Variants in DCX observed in about 807,000 individuals in gnomAD.
DCX encodes neuronal migration protein doublecortin.
In DCX, 4 loss-of-function variants were observed where a neutral mutation model predicts 20.9. The observed-to-expected ratio is 0.19, with a 90% CI of 0.09 to 0.44. The LOEUF (loss-of-function observed/expected upper bound fraction) is 0.44. DCX is among the 20% of genes least tolerant of loss of function. The pLI is 0.99. For missense variants in DCX, 133 were observed against 296.9 expected, an observed-to-expected ratio of 0.45 and a Z score of 4.06; for synonymous variants, 103 against 111.4, an observed-to-expected ratio of 0.92 and a Z score of 0.47.
At chrX:111,361,514 A>G (rs182100480) in intron 3 of DCX, among the ~76,000 whole-genome samples, 179 of 112,033 alleles carry the variant, frequency 1.6e-3, no homozygotes, top group Non-Finnish European at 1.2e-3. Flanking sequence ...AAACAGTTTG[A>G]TTTTTGGTTT....
intron 3 of DCX, among the ~76,000 whole-genome samples, chrX:111,377,922 G>T (rs1213013903): frequency 9.0e-6 from 1 of 110,889 alleles, no homozygotes; most frequent in Non-Finnish European, 1.9e-5. Context: ...AACTAATCTT[G>T]AACACCTCAT....
intron 3 of DCX, among the ~76,000 whole-genome samples, chrX:111,347,990 T>G (rs1016182108): frequency 8.9e-6 from 1 of 112,133 alleles, no homozygotes; most frequent in African/African-American, 3.2e-5. Context: ...GCCATAATGA[T>G]CCTACATAGC....
intron 5 of DCX, among the ~76,000 whole-genome samples, chrX:111,327,886 G>A (rs189955415): frequency 4.5e-5 from 5 of 112,323 alleles, no homozygotes; most frequent in African/African-American, 1.3e-4. Context: ...AACAAACTCC[G>A]ATGAAATGGG....
intron 2 of DCX, among the ~76,000 whole-genome samples, chrX:111,403,425 T>C (rs929602554): frequency 9.0e-6 from 1 of 111,601 alleles, no homozygotes; most frequent in African/African-American, 3.3e-5. Flanking sequence ...ATTAACCGTC[T>C]CCAGATGAAA....
intron 3 of DCX, among the ~76,000 whole-genome samples, chrX:111,378,706 CTCTG>C (rs1246723896): frequency 9.0e-6 from 1 of 110,990 alleles, no homozygotes; most frequent in East Asian, 2.9e-4. Flanking sequence ...TCCATTTTAT[CTCTG>C]TCTGCAAGTC....
At chrX:111,351,062 G>A (rs1923260467) in intron 3 of DCX, among the ~76,000 whole-genome samples, 1 of 112,187 alleles carries the variant, frequency 8.9e-6, no homozygotes, top group Non-Finnish European at 1.9e-5. Context: ...TCCACAACAT[G>A]TGGGAATTAT....
chrX:111,300,604 A>G lies in DCX; in HGVS notation c.*1083T>C, dbSNP rs1603411191. 1 of 103,328 alleles carries G rather than the reference A, an allele frequency of 9.7e-6. No individual in the cohort carries two copies. Among genetic ancestry groups the G allele is most frequent in the African/African-American group, 3.6e-5 (1 of 27,602 alleles). 8.5% of individuals were successfully genotyped at this position (103,328 alleles called of 1,213,427 possible). The stretch of plus-strand genomic sequence containing the variant: ...AGTGACAGCATAATTTCTAAACTAC[A>G]TTATTCTTCTGCTTTTTTTTTTTTT... On this transcript the variant is annotated 3_prime_UTR_variant, in exon 7 of 7. Coordinates refer to ENST00000636035, the MANE Select transcript of DCX (RefSeq NM_001195553.2).
intron 5 of DCX, among the ~76,000 whole-genome samples, chrX:111,320,683 T>C (rs1163110291): frequency 9.0e-6 from 1 of 110,822 alleles, no homozygotes; most frequent in Non-Finnish European, 1.9e-5. Flanking sequence ...ATAGTCCATT[T>C]TTCCCCTTGG....
chrX:111,318,792 T>C (rs906427136), intron 5 of DCX, among the ~76,000 whole-genome samples: 1 of 110,498 alleles, frequency 9.0e-6, no homozygotes, highest in Non-Finnish European at 1.9e-5. Context: ...TGGGGCCTAA[T>C]TGAGGGTGGA....
At chrX:111,377,692 G>A (rs1396005457) in intron 3 of DCX, among the ~76,000 whole-genome samples, 2 of 111,154 alleles carry the variant, frequency 1.8e-5, no homozygotes, top group Non-Finnish European at 3.8e-5. Flanking sequence ...GGTGCACATG[G>A]TTTTTATTTT....
chrX:111,312,554 T>C, intron 6 of DCX, 85 bp downstream of exon 6: 1 of 1,001,977 alleles, frequency 1.0e-6, no homozygotes, highest in Non-Finnish European at 1.4e-6. Flanking sequence ...TAATGTGCTG[T>C]TGAGTTAGAA....
At chrX:111,333,898 T>C (rs1480816492) in intron 3 of DCX, among the ~76,000 whole-genome samples, 1 of 111,881 alleles carries the variant, frequency 8.9e-6, no homozygotes, top group Non-Finnish European at 1.9e-5. Context: ...TGAGGGTCCC[T>C]GGGAAAGTAT....
chrX:111,406,637 G>A (rs1324533320), intron 2 of DCX, among the ~76,000 whole-genome samples: 1 of 111,913 alleles, frequency 8.9e-6, no homozygotes, highest in Non-Finnish European at 1.9e-5. Context: ...CCAATACATG[G>A]AACAACATAG....
At chrX:111,301,970 GT>G (rs1050459716) in intron 6 of DCX, among the ~76,000 whole-genome samples, 3 of 111,110 alleles carry the variant, frequency 2.7e-5, no homozygotes, top group African/African-American at 9.9e-5. Context: ...TCATTTGTGT[GT>G]GGGGTGTGTA....
chrX:111,347,786 C>T (rs1922961578), intron 3 of DCX, among the ~76,000 whole-genome samples: 1 of 110,964 alleles, frequency 9.0e-6, no homozygotes, highest in Admixed American at 9.6e-5. Flanking sequence ...TCGAATAGAT[C>T]GTGTTCTGTC....
At chrX:111,405,722 A>T (rs1272172787) in intron 2 of DCX, among the ~76,000 whole-genome samples, 3 of 111,776 alleles carry the variant, frequency 2.7e-5, no homozygotes, top group Non-Finnish European at 5.6e-5. Flanking sequence ...AAAAAAACAA[A>T]GACATGACAA....
At chrX:111,316,413 G>A in intron 5 of DCX, among the ~76,000 whole-genome samples, 1 of 110,742 alleles carries the variant, frequency 9.0e-6, no homozygotes, top group Admixed American at 9.6e-5. Flanking sequence ...TGTATTTTTA[G>A]TAGAGATGGG....
intron 3 of DCX, among the ~76,000 whole-genome samples, chrX:111,386,834 T>C (rs1020643790): frequency 6.3e-5 from 7 of 111,133 alleles, no homozygotes; most frequent in African/African-American, 2.0e-4. Flanking sequence ...AATGACACCA[T>C]CCATCATTCC....
rs778492306 is a variant in DCX at position 111,333,052 on chromosome X, A to G, written c.807T>C (p.Asn269=). 8 of 1,195,702 alleles carry G rather than the reference A, an allele frequency of 6.7e-6. No individual in the cohort carries two copies. The South Asian group carries it at 1.4e-4, about 21-fold the overall frequency. Residue 269 remains asparagine, a splice_region_variant and synonymous_variant, in exon 4 of 7, where the codon AAT becomes AAC. Transcript: ENST00000636035. ...YAQDDFSLDE[N]ECRVMKGNPS... ...ATAAAACCCAGTGGTTATGCTTACC[A>G]TTTTCATCCAGAGAAAAATCATCCT...
Sources: allele counts gnomAD v4.1 joint callset (sites outside exome capture counted in the v4.1 genomes callset), GRCh38; gene constraint gnomAD v4.1.1; transcripts MANE v1.5; gene names NCBI Gene and HGNC (gene_info 2026-07-23, HGNC 2026-07-21).